The following CSMD1 variants were observed in gnomAD, a reference collection of about 807,000 sequenced individuals.
CSMD1 encodes the protein CUB and sushi domain-containing protein 1.
In CSMD1, 213 loss-of-function variants were observed where a neutral mutation model predicts 417.5. The observed-to-expected ratio is 0.51, with a 90% CI of 0.46 to 0.57. The LOEUF (loss-of-function observed/expected upper bound fraction) is 0.57. Among genes scored for constraint, CSMD1 ranks in the 20% least tolerant of loss-of-function variants. The pLI, the probability that CSMD1 is intolerant of heterozygous loss-of-function variation, is 0.00. For missense variants in CSMD1, 6,923 were observed against 4,529.7 expected, an observed-to-expected ratio of 1.53 and a Z score of -15.17; for synonymous variants, 2,862 against 1,736.8, an observed-to-expected ratio of 1.65 and a Z score of -16.11.
chr8:4,920,959 AAAGAAAGAAAGAAAGAAAGAAAC>A (rs1563769543), intron 1 of CSMD1, among the ~76,000 whole-genome samples: 2 of 45,518 alleles, frequency 4.4e-5, no homozygotes, highest in African/African-American at 1.2e-4. Flanking sequence ...AGAAAGAAAG[AAAGAAAGAAAGAAAGAAAGAAAC>A]AAAGAAAGAA....
chr8:3,345,206 C>T (rs764978317), intron 22 of CSMD1, among the ~76,000 whole-genome samples: 10 of 152,166 alleles, frequency 6.6e-5, no homozygotes, highest in Non-Finnish European at 7.3e-5. Context: ...TTGGCTTCCC[C>T]GTGTCCTCAT....
chr8:3,779,927 T>C (rs936492160), intron 5 of CSMD1, among the ~76,000 whole-genome samples: 2 of 152,216 alleles, frequency 1.3e-5, no homozygotes, highest in African/African-American at 4.8e-5. Context: ...CCACTGCTTG[T>C]CTTAACCTTT....
chr8:3,381,353 T>C (rs1810615292), intron 18 of CSMD1, among the ~76,000 whole-genome samples: 1 of 152,170 alleles, frequency 6.6e-6, no homozygotes, highest in African/African-American at 2.4e-5. Context: ...AAATAAATTA[T>C]TAAAAATGCA....
At chr8:3,890,597 A>C (rs1246192501) in intron 5 of CSMD1, among the ~76,000 whole-genome samples, 1 of 152,292 alleles carries the variant, frequency 6.6e-6, no homozygotes. Flanking sequence ...GATTTCAGGA[A>C]ATAAAGCACG....
intron 2 of CSMD1, among the ~76,000 whole-genome samples, chr8:4,629,707 A>G (rs1411203507): frequency 1.3e-5 from 2 of 152,166 alleles, no homozygotes; most frequent in African/African-American, 4.8e-5. Flanking sequence ...TACATTGGTG[A>G]TCTAACATAT....
chr8:3,575,148 G>T, intron 9 of CSMD1, 82 bp from the exon 10 acceptor site: 4 of 1,310,658 alleles, frequency 3.1e-6, no homozygotes, highest in South Asian at 1.5e-5. Flanking sequence ...GAAATTTCAA[G>T]TTAGCTATTA....
chr8:4,853,220 G>A (rs1801589360), intron 1 of CSMD1, among the ~76,000 whole-genome samples: 1 of 152,128 alleles, frequency 6.6e-6, no homozygotes, highest in African/African-American at 2.4e-5. Context: ...ATAAAGCCCT[G>A]GAATGCATTT....
chr8:3,794,751 C>A (rs1799945761), intron 5 of CSMD1, among the ~76,000 whole-genome samples: 1 of 152,042 alleles, frequency 6.6e-6, no homozygotes, highest in Non-Finnish European at 1.5e-5. Flanking sequence ...ACTTCCAGGT[C>A]AAGACTGTAC....
At chr8:3,622,112 T>C (rs916663314) in intron 7 of CSMD1, among the ~76,000 whole-genome samples, 5 of 152,092 alleles carry the variant, frequency 3.3e-5, no homozygotes, top group African/African-American at 9.7e-5. Flanking sequence ...TGGGGTACAG[T>C]TCTCAATGAG....
rs1044627969 is a variant in CSMD1, at chr8:4,401,996, CACATTCCTGCT to C, written c.415+17946_415+17956del. 5.8e-4 allele frequency among the ~76,000 whole-genome samples: 88 copies of C among 152,266 alleles called. 1 individual carries two copies. Among genetic ancestry groups the C allele is most frequent in the African/African-American group, 2.0e-3 (82 of 41,556 alleles). ...AAAATTTCAGCACCGGACTCCCTGC[CACATTCCTGCT>C]GCTACCACTGTTATAATTCGTGGTG... On this transcript the variant is annotated intron_variant, in intron 3 of 69. Transcript: ENST00000635120.
rs79268653 is a variant in CSMD1, at chr8:4,025,451, G to C, written c.610+6454C>G. ...TAATAATTTATGAATCAATAATAAA[G>C]TATGGGAAACATAAAGCAAATTAAG... On this transcript the variant is annotated intron_variant, in intron 4 of 69. Transcript: ENST00000635120. Among the ~76,000 whole-genome samples, 42 of 152,286 alleles carry C rather than the reference G, an allele frequency of 2.8e-4. 1 individual carries two copies. The highest frequency in any genetic ancestry group is 1.0e-3 in the Admixed American group (16 of 15,308).
chr8:4,467,731 G>C (rs771060985), intron 2 of CSMD1, among the ~76,000 whole-genome samples: 1 of 152,052 alleles, frequency 6.6e-6, no homozygotes, highest in Non-Finnish European at 1.5e-5. Flanking sequence ...CAAGCCCAAT[G>C]GTAAAGCTAA....
chr8:4,813,865 G>C (rs1401782408), intron 1 of CSMD1, among the ~76,000 whole-genome samples: 1 of 152,148 alleles, frequency 6.6e-6, no homozygotes, highest in African/African-American at 2.4e-5. Context: ...CTCAGGTTTT[G>C]TGTGTTTTCC....
chr8:3,687,532 T>G (rs999715110), intron 7 of CSMD1, among the ~76,000 whole-genome samples: 2 of 152,226 alleles, frequency 1.3e-5, no homozygotes, highest in Admixed American at 1.3e-4. Flanking sequence ...CTACTTTTCT[T>G]CCAGATATTC....
chr8:2,951,288 G>A lies in CSMD1; in HGVS notation c.10040-13C>T, dbSNP rs1388847593. 6.3e-7 allele frequency: 1 copy of A among 1,593,368 alleles called. No homozygotes were observed. The highest frequency in any genetic ancestry group is 1.3e-5 in the African/African-American group (1 of 74,558). On this transcript the variant is annotated splice_polypyrimidine_tract_variant and intron_variant, in intron 65 of 69. Transcript: ENST00000635120. Reference sequence around the variant, plus strand: ...ACATCTGAAGGAACTGTGGGAAGGGGGGAAACAGACCAATGTCAGCACACA... The same window carrying A: ...ACATCTGAAGGAACTGTGGGAAGGGAGGAAACAGACCAATGTCAGCACACA...
chr8:4,127,923 C>T (rs1238409974), intron 3 of CSMD1, among the ~76,000 whole-genome samples: 4 of 152,194 alleles, frequency 2.6e-5, no homozygotes, highest in African/African-American at 9.6e-5. Context: ...GACTCCAGAG[C>T]ATGCACAGTT....
chr8:4,958,974 A>T (rs1012791262), intron 1 of CSMD1, among the ~76,000 whole-genome samples: 17 of 152,218 alleles, frequency 1.1e-4, no homozygotes, highest in African/African-American at 3.9e-4. Flanking sequence ...TACAAAATTA[A>T]AAACAAGAAA....
chr8:3,484,455 T>A (rs1817912556), intron 11 of CSMD1, among the ~76,000 whole-genome samples: 1 of 152,122 alleles, frequency 6.6e-6, no homozygotes, highest in South Asian at 2.1e-4. Flanking sequence ...ATAAGAGACT[T>A]AAATGTAATA....
At chr8:3,476,151 T>TAC (rs1817404125) in intron 11 of CSMD1, among the ~76,000 whole-genome samples, 2 of 151,994 alleles carry the variant, frequency 1.3e-5, no homozygotes, top group African/African-American at 4.8e-5. Flanking sequence ...AAGACTAGCC[T>TAC]GCGCAACATA....
Sources: gnomAD v4.1 joint callset for allele counts (sites outside exome capture counted in the v4.1 genomes callset) on GRCh38, gnomAD v4.1.1 for gene constraint, MANE v1.5 for transcripts, NCBI Gene and HGNC (gene_info 2026-07-23, HGNC 2026-07-21) for gene names.